The following CHST8 variants were observed in gnomAD, a reference collection of about 807,000 sequenced individuals.
CHST8 encodes GALNAC-4-ST1.
In CHST8, 10 loss-of-function variants were observed where a neutral mutation model predicts 15.0. The ratio of observed to expected loss-of-function variants is 0.67; its 90% confidence interval spans 0.41 to 1.13. The LOEUF is 1.13. Among genes scored for constraint, CHST8 ranks in the 50% most tolerant of loss-of-function variants. The pLI is 0.00. For synonymous variants in CHST8, 259 were observed against 256.6 expected (o/e 1.01, Z -0.09); for missense variants, 634 against 608.2 (o/e 1.04, Z -0.45).
intron 3 of CHST8, among the ~76,000 whole-genome samples, chr19:33,739,949 G>C (rs2145338185): frequency 6.6e-6 from 1 of 152,254 alleles, no homozygotes; most frequent in East Asian, 1.9e-4. Context: ...GGGTTGGTGT[G>C]GTCAGAGGAG....
At chr19:33,734,618 G>T (rs769287203) in intron 3 of CHST8, among the ~76,000 whole-genome samples, 1 of 152,160 alleles carries the variant, frequency 6.6e-6, no homozygotes, top group Non-Finnish European at 1.5e-5. Context: ...TGCCATCGTT[G>T]TCCCAACTGC....
At chr19:33,711,589 G>A (rs76126587) in intron 3 of CHST8, among the ~76,000 whole-genome samples, 4,395 of 152,278 alleles carry the variant, frequency 0.029, 154 homozygotes, top group African/African-American at 0.081. Flanking sequence ...GATACAAGAA[G>A]TAGTAGTAAG....
intron 3 of CHST8, 26 bp downstream of exon 3, chr19:33,689,417 A>G: frequency 6.5e-7 from 1 of 1,541,662 alleles, no homozygotes; most frequent in East Asian, 2.4e-5. Context: ...GAGTCCTGCC[A>G]TCACTGCCCC....
At chr19:33,720,006 C>T (rs548798308) in intron 3 of CHST8, among the ~76,000 whole-genome samples, 1 of 152,150 alleles carries the variant, frequency 6.6e-6, no homozygotes, top group South Asian at 2.1e-4. Flanking sequence ...GGGAGAGCTT[C>T]GGCACTACAT....
chr19:33,730,784 G>T (rs1246893318), intron 3 of CHST8, among the ~76,000 whole-genome samples: 1 of 152,210 alleles, frequency 6.6e-6, no homozygotes, highest in African/African-American at 2.4e-5. Context: ...GAGCAAGGAA[G>T]CCAGTCTGAG....
chr19:33,625,589 C>T (rs952712298), intron 1 of CHST8, among the ~76,000 whole-genome samples: 76 of 151,704 alleles, frequency 5.0e-4, no homozygotes, highest in African/African-American at 1.8e-3. Flanking sequence ...CGGCCAGGCA[C>T]GGTGGCTCAC....
At position 33,772,164 on chromosome 19, in the gene CHST8, C is replaced by A. The variant is rs1383014863; in HGVS notation, c.376C>A (p.Pro126Thr). 2.5e-6 allele frequency: 4 copies of A among 1,601,788 alleles called. No homozygotes were observed. The highest frequency in any genetic ancestry group is 1.7e-6 in the Non-Finnish European group (2 of 1,175,376). Residue 126 changes from proline (P) to threonine (T), a missense_variant, in exon 5 of 5, where the codon CCG (proline) becomes ACG (threonine). Pro to Thr is a conservative substitution (Grantham distance 38). Coordinates refer to ENST00000650847, the MANE Select transcript of CHST8 (RefSeq NM_001127895.2). Reference protein sequence around the residue: ...IKKMPAAATIPANSSDAPFIR... With the variant: ...IKKMPAAATITANSSDAPFIR... ...GAAAATGCCAGCTGCGGCGACCATCCCGGCCAACAGCTCGGACGCGCCCTT... is the reference window on the plus strand; with the variant it reads ...GAAAATGCCAGCTGCGGCGACCATCACGGCCAACAGCTCGGACGCGCCCTT...
chr19:33,629,938 C>T (rs1192162046), intron 1 of CHST8, among the ~76,000 whole-genome samples: 1 of 152,264 alleles, frequency 6.6e-6, no homozygotes, highest in Non-Finnish European at 1.5e-5. Context: ...CCTGGACATG[C>T]CCAGATGCTT....
chr19:33,681,885 T>TA (rs1972895213), intron 2 of CHST8, among the ~76,000 whole-genome samples: 1 of 151,222 alleles, frequency 6.6e-6, no homozygotes, highest in Admixed American at 6.6e-5. Context: ...TTTTTTTTTT[T>TA]AACGGAGTTT....
intron 1 of CHST8, among the ~76,000 whole-genome samples, chr19:33,659,155 T>A (rs1972552240): frequency 7.4e-6 from 1 of 135,084 alleles, no homozygotes. Flanking sequence ...AGCCTCCGCC[T>A]CCCGGGTTCA....
At position 33,693,929 on chromosome 19, in the gene CHST8, CCTT is replaced by C. The variant is rs1489100741; in HGVS notation, c.130+4543_130+4545del. Among the ~76,000 whole-genome samples, 4 of 151,178 alleles carry C rather than the reference CCTT, an allele frequency of 2.6e-5. No homozygotes were observed. In the East Asian group the frequency reaches 7.8e-4, roughly 29 times the overall value. ...GTGGCAATGTTCTGATTTTATCACT[CCTT>C]CTTCATTCTTTTAAGTGGAATGGAT... On this transcript the variant is annotated intron_variant, in intron 3 of 4. Transcript: ENST00000650847.
At chr19:33,704,261 A>G (rs531125410) in intron 3 of CHST8, among the ~76,000 whole-genome samples, 154 of 152,318 alleles carry the variant, frequency 1.0e-3, no homozygotes, top group African/African-American at 3.1e-3. Context: ...GCATTCCTCA[A>G]GTCCTGGATG....
At chr19:33,771,677 G>T (rs1285042265) in intron 4 of CHST8, among the ~76,000 whole-genome samples, 1 of 152,154 alleles carries the variant, frequency 6.6e-6, no homozygotes, top group Non-Finnish European at 1.5e-5. Context: ...GTAAATCTGA[G>T]CCCGCCTGCA....
chr19:33,635,107 A>G (rs1283359580), intron 1 of CHST8, among the ~76,000 whole-genome samples: 1 of 152,146 alleles, frequency 6.6e-6, no homozygotes. Context: ...CCCGAAAAGA[A>G]CAGCAATCCA....
At chr19:33,628,747 G>A (rs1414682774) in intron 1 of CHST8, among the ~76,000 whole-genome samples, 2 of 152,204 alleles carry the variant, frequency 1.3e-5, no homozygotes, top group African/African-American at 2.4e-5. Flanking sequence ...GTCTACACTG[G>A]TCGAACCAGT....
chr19:33,712,005 C>T (rs1442600245), intron 3 of CHST8, among the ~76,000 whole-genome samples: 1 of 152,128 alleles, frequency 6.6e-6, no homozygotes, highest in African/African-American at 2.4e-5. Context: ...GAAGTTTAGA[C>T]AGGAAACCGT....
intron 1 of CHST8, among the ~76,000 whole-genome samples, chr19:33,655,660 T>C (rs191875755): frequency 6.6e-6 from 1 of 152,352 alleles, no homozygotes; most frequent in East Asian, 1.9e-4. Flanking sequence ...CTATCATACA[T>C]TTAATCAAGA....
At chr19:33,661,556 C>A (rs902736614) in intron 1 of CHST8, among the ~76,000 whole-genome samples, 1 of 152,152 alleles carries the variant, frequency 6.6e-6, no homozygotes, top group Non-Finnish European at 1.5e-5. Context: ...GTGGCCTAGC[C>A]CCCCATGGCT....
chr19:33,636,742 A>C (rs566668066), intron 1 of CHST8, among the ~76,000 whole-genome samples: 18 of 152,232 alleles, frequency 1.2e-4, no homozygotes, highest in Admixed American at 1.0e-3. Context: ...CTCTACTAAA[A>C]ATACAAAAAT....
Sources: gnomAD v4.1 joint callset for allele counts (sites outside exome capture counted in the v4.1 genomes callset) on GRCh38, gnomAD v4.1.1 for gene constraint, MANE v1.5 for transcripts, NCBI Gene and HGNC (gene_info 2026-07-23, HGNC 2026-07-21) for gene names.